THSD7B: variants seen among roughly 807,000 people sequenced by gnomAD.
THSD7B encodes the protein thrombospondin type-1 domain-containing protein 7B.
Under a neutral mutation model 213.6 loss-of-function variants are expected in THSD7B, and 138 were observed. The observed-to-expected ratio is 0.65, with a 90% CI of 0.56 to 0.74. The LOEUF is 0.74. THSD7B is among the 30% of genes least tolerant of loss of function. The probability of loss-of-function intolerance (pLI) is 0.00; values close to 1 mark genes in which losing one functional copy is unlikely to be tolerated. For synonymous variants in THSD7B, 742 were observed against 687.0 expected, an observed-to-expected ratio of 1.08 and a Z score of -1.25; for missense variants, 1,931 against 1,991.5, an observed-to-expected ratio of 0.97 and a Z score of 0.58.
chr2:136,930,167 A>G (rs1343281513), intron 2 of THSD7B, among the ~76,000 whole-genome samples: 5 of 152,250 alleles, frequency 3.3e-5, no homozygotes, highest in South Asian at 2.1e-4. Context: ...ATCAATTACT[A>G]TATAAATGAT....
At chr2:137,003,692 A>G (rs937155488) in intron 2 of THSD7B, among the ~76,000 whole-genome samples, 2 of 152,142 alleles carry the variant, frequency 1.3e-5, no homozygotes, top group African/African-American at 4.8e-5. Context: ...CCTTATAAGC[A>G]TCTATTTACT....
intron 12 of THSD7B, among the ~76,000 whole-genome samples, chr2:137,316,871 A>C (rs776811859): frequency 6.6e-6 from 1 of 152,154 alleles, no homozygotes; most frequent in Non-Finnish European, 1.5e-5. Context: ...AGTGGGATTT[A>C]TAATCATTGA....
rs528294371 is a variant in THSD7B at position 137,082,770 on chromosome 2, CTCTG to C, written c.951-12099_951-12096del. ...ATGTACCTACATATCATTCTTAGTA[CTCTG>C]TCTAAGAAATTTGGAGAAGATAAAG... On this transcript the variant is annotated intron_variant, in intron 3 of 27. Transcript: ENST00000409968. 2.6e-4 allele frequency among the ~76,000 whole-genome samples: 40 copies of C among 152,192 alleles called. No individual in the cohort carries two copies. In the East Asian group the frequency reaches 6.6e-3, roughly 25 times the overall value.
intron 7 of THSD7B, among the ~76,000 whole-genome samples, chr2:137,215,178 G>A (rs13407863): frequency 0.6 from 90,861 of 152,070 alleles, 27,565 homozygotes; most frequent in South Asian, 0.71. Flanking sequence ...TTTCTCTAAC[G>A]ACCAGTGATG....
intron 2 of THSD7B, among the ~76,000 whole-genome samples, chr2:136,927,741 A>C (rs1684564268): frequency 6.6e-6 from 1 of 152,214 alleles, no homozygotes; most frequent in Admixed American, 6.5e-5. Context: ...CTGATGACAG[A>C]CATTGATAGG....
At chr2:137,407,442 A>T (rs1053237480) in intron 13 of THSD7B, among the ~76,000 whole-genome samples, 12 of 152,132 alleles carry the variant, frequency 7.9e-5, no homozygotes, top group Admixed American at 3.3e-4. Context: ...AGTTTTTTTA[A>T]AAAAAATAAA....
At chr2:137,554,292 C>T (rs1680907079) in intron 15 of THSD7B, among the ~76,000 whole-genome samples, 1 of 152,098 alleles carries the variant, frequency 6.6e-6, no homozygotes, top group African/African-American at 2.4e-5. Context: ...AATAGCCTCC[C>T]CTTCACCTTA....
chr2:136,784,976 G>T (rs185852449), intron 1 of THSD7B, among the ~76,000 whole-genome samples: 1 of 152,242 alleles, frequency 6.6e-6, no homozygotes, highest in Non-Finnish European at 1.5e-5. Context: ...CTAATTGTAG[G>T]TTAACTTCAT....
At chr2:136,975,919 T>A (rs1685472773) in intron 2 of THSD7B, among the ~76,000 whole-genome samples, 1 of 152,174 alleles carries the variant, frequency 6.6e-6, no homozygotes, top group Non-Finnish European at 1.5e-5. Flanking sequence ...GTTAGCTGTA[T>A]TCCTACATAT....
intron 1 of THSD7B, among the ~76,000 whole-genome samples, chr2:136,852,041 T>C (rs1445751924): frequency 3.3e-5 from 5 of 152,040 alleles, no homozygotes; most frequent in African/African-American, 1.2e-4. Flanking sequence ...GAAGATTTAA[T>C]TAAGATTATA....
chr2:136,878,754 A>G lies in THSD7B; in HGVS notation c.-35-3390A>G, dbSNP rs541698553. Among the ~76,000 whole-genome samples the G allele has an allele frequency of 5.9e-5, 9 of 152,020 alleles. No individual in the cohort carries two copies. In the East Asian group the frequency reaches 1.2e-3, roughly 20 times the overall value. ...TGTTCATAGACTTCGCCCACTTGTT[A>G]ATGGGGTTGTTTGTTTTTTTCTTGT... On this transcript the variant is annotated intron_variant, in intron 1 of 27. Coordinates refer to ENST00000409968, the MANE Select transcript of THSD7B (RefSeq NM_001316349.2).
chr2:137,101,677 G>A (rs1028763545), intron 4 of THSD7B, among the ~76,000 whole-genome samples: 3 of 152,136 alleles, frequency 2.0e-5, no homozygotes, highest in Admixed American at 1.3e-4. Flanking sequence ...GTCTGAAGTC[G>A]ACCTGGGATG....
chr2:137,009,427 A>T (rs1373612030), intron 2 of THSD7B, among the ~76,000 whole-genome samples: 3 of 152,142 alleles, frequency 2.0e-5, no homozygotes, highest in Admixed American at 2.0e-4. Flanking sequence ...GTCTCTACCC[A>T]ATAGAAGTCA....
At position 137,453,890 on chromosome 2, in the gene THSD7B, A is replaced by G. The variant is rs187234923; in HGVS notation, c.3138+2867A>G. Among the ~76,000 whole-genome samples, 5 of 152,216 alleles carry G rather than the reference A, an allele frequency of 3.3e-5. No individual in the cohort carries two copies. In the South Asian group the frequency reaches 6.2e-4, roughly 19 times the overall value. On this transcript the variant is annotated intron_variant, in intron 15 of 27. Coordinates refer to ENST00000409968, the MANE Select transcript of THSD7B (RefSeq NM_001316349.2). ...TTGCTTTTTGTGCCTGGATTATTTCACTTATCATAAGGTTTTCCAGTTGCA... is the reference window on the plus strand; with the variant it reads ...TTGCTTTTTGTGCCTGGATTATTTCGCTTATCATAAGGTTTTCCAGTTGCA...
chr2:137,474,093 T>C (rs989367215), intron 15 of THSD7B, among the ~76,000 whole-genome samples: 79 of 152,352 alleles, frequency 5.2e-4, no homozygotes, highest in African/African-American at 1.8e-3. Context: ...GCAAATTGTT[T>C]TCATTCATTA....
At chr2:136,914,328 G>C (rs1218172036) in intron 2 of THSD7B, among the ~76,000 whole-genome samples, 1 of 152,188 alleles carries the variant, frequency 6.6e-6, no homozygotes, top group East Asian at 1.9e-4. Flanking sequence ...AGGCAGAAGT[G>C]ACTTGTCTCA....
intron 1 of THSD7B, among the ~76,000 whole-genome samples, chr2:136,793,511 TG>T (rs1287723751): frequency 6.6e-6 from 1 of 152,020 alleles, no homozygotes; most frequent in Admixed American, 6.6e-5. Context: ...ATGGCATCTT[TG>T]AAGAGTAAGT....
At chr2:136,812,229 T>C (rs1292914896) in intron 1 of THSD7B, among the ~76,000 whole-genome samples, 2 of 152,182 alleles carry the variant, frequency 1.3e-5, no homozygotes, top group Non-Finnish European at 2.9e-5. Flanking sequence ...GATTTCTGCC[T>C]AGAAATGGCG....
At chr2:136,983,379 A>ACACACACACACACT (rs1250517745) in intron 2 of THSD7B, among the ~76,000 whole-genome samples, 1 of 148,882 alleles carries the variant, frequency 6.7e-6, no homozygotes, top group East Asian at 2.0e-4. Flanking sequence ...ACGCACACAC[A>ACACACACACACACT]CTCACTCTCT....
Sources: gnomAD v4.1 joint callset for allele counts (sites outside exome capture counted in the v4.1 genomes callset) on GRCh38, gnomAD v4.1.1 for gene constraint, MANE v1.5 for transcripts, NCBI Gene and HGNC (gene_info 2026-07-23, HGNC 2026-07-21) for gene names.